Variants in KIAA1671 observed in about 807,000 individuals in gnomAD.
KIAA1671 encodes the protein uncharacterized protein KIAA1671.
In KIAA1671, 52 loss-of-function variants were observed where a neutral mutation model predicts 131.2. That is an observed-to-expected ratio of 0.40 (90% CI 0.32 to 0.50). KIAA1671 has a LOEUF of 0.50. Among genes scored for constraint, KIAA1671 ranks in the 20% least tolerant of loss-of-function variants. KIAA1671 has a pLI of 0.73. For missense variants in KIAA1671, 2,360 were observed against 2,364.2 expected (o/e 1.00, Z 0.04); for synonymous variants, 1,003 against 961.6 (o/e 1.04, Z -0.80).
In KIAA1671 at chr22:25,039,308, G is replaced by T. The variant is rs936737531; in HGVS notation, c.2178G>T (p.Ser726=). ...AACACTTGGAAAATCCTCCCACATC[G>T]CAGAGAATTGAGCCCAGATATGACA... is the stretch of plus-strand genomic sequence containing the variant. The part of the protein sequence containing the change: ...FLKHLENPPT[S]QRIEPRYDIV... The change falls in exon 5 of 13, where the codon TCG becomes TCT. Residue 726 remains serine, a synonymous_variant. Coordinates refer to ENST00000358431, the MANE Select transcript of KIAA1671 (RefSeq NM_001145206.2). 15 of 1,552,008 alleles carry T rather than the reference G, an allele frequency of 9.7e-6. No individual in the cohort carries two copies. The highest frequency in any genetic ancestry group is 2.0e-5 in the Admixed American group (1 of 50,986).
intron 1 of KIAA1671, among the ~76,000 whole-genome samples, chr22:25,016,800 T>C (rs1284582658): frequency 1.3e-5 from 2 of 152,062 alleles, no homozygotes; most frequent in Non-Finnish European, 2.9e-5. Context: ...AGCCCCAGAA[T>C]TGGGGCTTCA....
intron 1 of KIAA1671, among the ~76,000 whole-genome samples, chr22:24,971,764 G>A (rs761272601): frequency 1.3e-5 from 2 of 152,182 alleles, no homozygotes; most frequent in Non-Finnish European, 2.9e-5. Flanking sequence ...AGTTTGGCTT[G>A]TAGGTAGAGG....
intron 1 of KIAA1671, among the ~76,000 whole-genome samples, chr22:25,019,599 G>GTT (rs369486668): frequency 2.1e-5 from 3 of 142,814 alleles, no homozygotes; most frequent in African/African-American, 7.7e-5. Flanking sequence ...TCTCCAACAT[G>GTT]TTTTTTTTTT....
chr22:25,021,385 C>T (rs1925657662), intron 1 of KIAA1671, among the ~76,000 whole-genome samples: 1 of 151,898 alleles, frequency 6.6e-6, no homozygotes, highest in African/African-American at 2.4e-5. Context: ...TGTCCCTTCT[C>T]AGTGAAATCT....
intron 11 of KIAA1671, chr22:25,185,353 C>G (rs1601393547): frequency 2.1e-6 from 1 of 480,808 alleles, no homozygotes; most frequent in South Asian, 4.2e-5. Context: ...TCTTCCCCGC[C>G]CACTGCCACC....
chr22:25,114,797 T>A (rs933710100), intron 6 of KIAA1671, among the ~76,000 whole-genome samples: 27 of 152,194 alleles, frequency 1.8e-4, no homozygotes, highest in African/African-American at 5.8e-4. Flanking sequence ...AATATTCGTT[T>A]TATGGGAAGA....
chr22:25,182,446 T>C (rs928372380), intron 10 of KIAA1671, among the ~76,000 whole-genome samples: 8 of 151,974 alleles, frequency 5.3e-5, no homozygotes, highest in African/African-American at 1.9e-4. Context: ...TCCTTCTCCT[T>C]CCTTCATTCC....
chr22:25,183,214 A>T (rs939612545), intron 10 of KIAA1671, among the ~76,000 whole-genome samples: 1 of 152,206 alleles, frequency 6.6e-6, no homozygotes, highest in Non-Finnish European at 1.5e-5. Context: ...AACTCTGTGT[A>T]TGCCATGCAG....
chr22:25,076,574 C>T (rs770043319), intron 6 of KIAA1671, among the ~76,000 whole-genome samples: 13 of 152,262 alleles, frequency 8.5e-5, no homozygotes, highest in Middle Eastern at 3.4e-3. Flanking sequence ...GATTAAGTTT[C>T]TCTTTCAAAC....
At chr22:25,179,956 T>C (rs1398768142) in intron 9 of KIAA1671, among the ~76,000 whole-genome samples, 13 of 152,164 alleles carry the variant, frequency 8.5e-5, no homozygotes, top group African/African-American at 3.1e-4. Flanking sequence ...TCTTGAAGAA[T>C]GGATAATAAT....
chr22:25,180,243 C>CT (rs534881684), intron 9 of KIAA1671, among the ~76,000 whole-genome samples: 2 of 152,232 alleles, frequency 1.3e-5, no homozygotes, highest in Non-Finnish European at 2.9e-5. Context: ...CCATGAAAGA[C>CT]TTTTAAGAAG....
chr22:25,038,977 A>G lies in KIAA1671; in HGVS notation c.1847A>G (p.Glu616Gly). 1 of 1,551,714 alleles carries G rather than the reference A, an allele frequency of 6.4e-7. No individual in the cohort carries two copies. The highest frequency in any genetic ancestry group is 8.7e-7 in the Non-Finnish European group (1 of 1,147,016). Residue 616 changes from glutamate (E) to glycine (G), a missense_variant, in exon 5 of 13, where the codon GAG becomes GGG. Transcript: ENST00000358431. ...SFQTVWATVF[E>G]HHVERHTVAD... ...CAGACTGTGTGGGCCACAGTATTTG[A>G]GCACCACGTGGAGAGACACACAGTG...
intron 4 of KIAA1671, among the ~76,000 whole-genome samples, chr22:25,034,467 T>C (rs1405903972): frequency 1.3e-5 from 2 of 152,172 alleles, no homozygotes; most frequent in African/African-American, 4.8e-5. Context: ...CCTCTTTTTT[T>C]TTTTGCCCTT....
chr22:24,975,623 C>A (rs1174440460), intron 1 of KIAA1671, among the ~76,000 whole-genome samples: 3 of 151,992 alleles, frequency 2.0e-5, no homozygotes, highest in Non-Finnish European at 4.4e-5. Flanking sequence ...TGTACCCATG[C>A]ACATATTGAA....
chr22:25,133,053 C>CA (rs200397060), intron 6 of KIAA1671, among the ~76,000 whole-genome samples: 2 of 90,470 alleles, frequency 2.2e-5, no homozygotes, highest in East Asian at 3.3e-4. Flanking sequence ...GACTCCATCT[C>CA]AAAAAAAAAA....
chr22:25,028,281 T>TG lies in KIAA1671; in HGVS notation c.288dup (p.Leu97AlafsTer3). The TG allele has an allele frequency of 6.4e-7, 1 of 1,551,366 alleles. No homozygotes were observed. Among genetic ancestry groups the TG allele is most frequent in the South Asian group, 1.2e-5 (1 of 84,060 alleles). ...CCAGTTCGACTGGACCTTCCCCCTC[T>TG]GGGGGGCTCTCTGAGGAGCCAGCAG... On this transcript the variant is annotated frameshift_variant, in exon 3 of 13. Transcript: ENST00000358431. LOFTEE classifies it high-confidence loss of function.
intron 6 of KIAA1671, chr22:25,063,634 C>G (rs543239355): frequency 1.3e-5 from 2 of 152,090 alleles, no homozygotes; most frequent in Admixed American, 6.6e-5. Context: ...GACGGGTGCA[C>G]GAAAATCTCA....
chr22:25,184,942 G>T, intron 10 of KIAA1671, 35 bp from the exon 11 acceptor site: 1 of 1,550,250 alleles, frequency 6.5e-7, no homozygotes, highest in Non-Finnish European at 8.7e-7. Context: ...CCAGACAAAG[G>T]GCAGCTTATA....
chr22:24,996,277 C>G (rs775760944), intron 1 of KIAA1671, among the ~76,000 whole-genome samples: 1 of 151,952 alleles, frequency 6.6e-6, no homozygotes, highest in South Asian at 2.1e-4. Context: ...GGCTGAAAAG[C>G]ACAGCTTAGG....
Sources: gnomAD v4.1 joint callset for allele counts (sites outside exome capture counted in the v4.1 genomes callset) on GRCh38, gnomAD v4.1.1 for gene constraint, MANE v1.5 for transcripts, NCBI Gene and HGNC (gene_info 2026-07-23, HGNC 2026-07-21) for gene names.